Variants in AMBRA1 observed in about 807,000 individuals in gnomAD.
AMBRA1 encodes autophagy and beclin 1 regulator 1.
Under a neutral mutation model 125.4 loss-of-function variants are expected in AMBRA1, and 47 were observed. The ratio of observed to expected loss-of-function variants is 0.37; its 90% CI spans 0.30 to 0.48. The LOEUF (loss-of-function observed/expected upper bound fraction) is 0.48, where lower values mean the gene tolerates loss of function less well. Ranked by LOEUF, AMBRA1 falls within the 20% of genes least tolerant of loss-of-function variation. AMBRA1 has a pLI of 0.99. For synonymous variants in AMBRA1, 626 were observed against 655.5 expected, an observed-to-expected ratio of 0.95 and a Z score of 0.69; for missense variants, 1,331 against 1,693.4, an observed-to-expected ratio of 0.79 and a Z score of 3.76.
chr11:46,542,730 G>A lies in AMBRA1; in HGVS notation c.1287C>T (p.Arg429=), dbSNP rs1952807054. ...WTRTVLSLNS[R]SEAESMPPPR... ...GCGGGGGCATGGATTCCGCCTCAGA[G>A]CGGGAGTTCAGACTGAGTACTGTCC... The change falls in exon 7 of 18, where the codon CGC becomes CGT. Residue 429 remains arginine, a synonymous_variant. Transcript: ENST00000683756. This position sits in a 1 kb window ranked among gnomAD's most constrained non-coding sequence, Gnocchi z 5.9. 6.2e-7 allele frequency: 1 copy of A among 1,614,138 alleles called. No individual in the cohort carries two copies. The highest frequency in any genetic ancestry group is 1.1e-5 in the South Asian group (1 of 91,076).
intron 16 of AMBRA1, among the ~76,000 whole-genome samples, chr11:46,408,943 A>G (rs557678134): frequency 1.3e-5 from 2 of 152,332 alleles, no homozygotes; most frequent in African/African-American, 4.8e-5. Context: ...CAATCTTGCA[A>G]CCCTGGCTCA....
At chr11:46,545,549 GTTCTCTA>G in intron 5 of AMBRA1, 48 bp downstream of exon 5, 1 of 1,569,956 alleles carries the variant, frequency 6.4e-7, no homozygotes, top group South Asian at 1.2e-5. Context: ...CCAGTAGAAT[GTTCTCTA>G]TCACGTCAGT....
chr11:46,591,162 C>T (rs1175112849), intron 1 of AMBRA1: 1 of 152,184 alleles, frequency 6.6e-6, no homozygotes, highest in African/African-American at 2.4e-5. Flanking sequence ...CATTAGGAGC[C>T]AATGAGATAG....
At chr11:46,573,758 T>C (rs1369103066) in intron 1 of AMBRA1, among the ~76,000 whole-genome samples, 1 of 150,842 alleles carries the variant, frequency 6.6e-6, no homozygotes, top group Non-Finnish European at 1.5e-5. Context: ...GCTGGTGCGC[T>C]GCACCCACTA....
intron 1 of AMBRA1, among the ~76,000 whole-genome samples, chr11:46,557,202 G>A (rs1358985113): frequency 6.6e-6 from 1 of 150,942 alleles, no homozygotes; most frequent in South Asian, 2.1e-4. Flanking sequence ...TCAGGAGGCT[G>A]AGGCAGGAGA....
Position 46,485,185 on chromosome 11 carries a change from G to A in AMBRA1, c.2521+8423C>T, listed in dbSNP as rs573455805. 2.2e-3 allele frequency among the ~76,000 whole-genome samples: 333 copies of A among 152,282 alleles called. 3 individuals are homozygous for A. The highest frequency in any genetic ancestry group is 0.01 in the Middle Eastern group (3 of 294). On this transcript the variant is annotated intron_variant, in intron 11 of 17. Transcript: ENST00000683756. ...ACTCCTGACCTCAGGTGATCCGCCC[G>A]CCTTGGCCTCCCAACATGCTGGGAT...
intron 11 of AMBRA1, among the ~76,000 whole-genome samples, chr11:46,463,709 G>A (rs1439032765): frequency 6.6e-6 from 1 of 152,146 alleles, no homozygotes; most frequent in East Asian, 1.9e-4. Context: ...GCAACTCCAG[G>A]AAAGCACCCA....
chr11:46,514,601 G>A (rs774716279), intron 7 of AMBRA1, among the ~76,000 whole-genome samples: 9 of 152,220 alleles, frequency 5.9e-5, no homozygotes, highest in South Asian at 4.1e-4. Flanking sequence ...CTGAGGTTGG[G>A]GTGTATTTTA....
At chr11:46,581,011 C>T (rs904456290) in intron 1 of AMBRA1, among the ~76,000 whole-genome samples, 2 of 152,026 alleles carry the variant, frequency 1.3e-5, no homozygotes, top group African/African-American at 2.4e-5. Flanking sequence ...CCATGCTGGT[C>T]TCAAACTCCT....
intron 11 of AMBRA1, among the ~76,000 whole-genome samples, chr11:46,452,163 T>C (rs1402982919): frequency 6.6e-6 from 1 of 152,122 alleles, no homozygotes; most frequent in African/African-American, 2.4e-5. Context: ...TAAATGTCTA[T>C]CAATTTGTGA....
At chr11:46,536,258 C>T (rs760389679) in intron 7 of AMBRA1, among the ~76,000 whole-genome samples, 3 of 152,126 alleles carry the variant, frequency 2.0e-5, no homozygotes, top group African/African-American at 7.2e-5. Flanking sequence ...TATATACAGA[C>T]ATGATCACTG....
At chr11:46,435,956 T>G (rs189042705) in intron 12 of AMBRA1, among the ~76,000 whole-genome samples, 2 of 152,228 alleles carry the variant, frequency 1.3e-5, no homozygotes, top group Non-Finnish European at 2.9e-5. Flanking sequence ...TTACCCTTGA[T>G]GTGAGCATAG....
chr11:46,590,782 A>G (rs73449983), intron 1 of AMBRA1, among the ~76,000 whole-genome samples: 31,732 of 151,974 alleles, frequency 0.21, 3,983 homozygotes, highest in African/African-American at 0.35. Context: ...ATGGTGGCAC[A>G]CGCCTGTAAT....
At position 46,408,701 on chromosome 11, in the gene AMBRA1, C is replaced by T. The variant is rs532892264; in HGVS notation, c.3215G>A (p.Ser1072Asn). The change falls in exon 17 of 18, where the codon AGC (serine) becomes AAC (asparagine). Residue 1072 changes from serine (S) to asparagine (N), a missense_variant. Coordinates refer to ENST00000683756, the MANE Select transcript of AMBRA1 (RefSeq NM_001387011.1). ...NSRSSERPGTSRATWRTDRDM... is the reference protein window; with the variant it reads ...NSRSSERPGTNRATWRTDRDM... The stretch of plus-strand genomic sequence containing the variant: ...TCTGTCTGTCCTCCATGTGGCTCTG[C>T]TGGTTCTAGGGAGAGAAAGGCAGAC... 1.9e-6 allele frequency: 3 copies of T among 1,546,226 alleles called. No homozygotes were observed. Among genetic ancestry groups the T allele is most frequent in the South Asian group, 2.4e-5 (2 of 82,080 alleles).
chr11:46,409,179 A>G (rs954716510), intron 16 of AMBRA1, among the ~76,000 whole-genome samples: 102 of 151,440 alleles, frequency 6.7e-4, no homozygotes, highest in African/African-American at 2.3e-3. Context: ...TGAACTGAGA[A>G]CTCCACTTTG....
chr11:46,477,655 T>C (rs1482004321), intron 11 of AMBRA1, among the ~76,000 whole-genome samples: 2 of 152,150 alleles, frequency 1.3e-5, no homozygotes. Flanking sequence ...CACGTCTTTA[T>C]TGTACATAGG....
intron 11 of AMBRA1, among the ~76,000 whole-genome samples, chr11:46,467,508 T>C (rs956919107): frequency 2.0e-5 from 3 of 152,112 alleles, no homozygotes; most frequent in Non-Finnish European, 2.9e-5. Context: ...ACAATGAATA[T>C]ATACTTTTGT....
chr11:46,485,319 G>C (rs1191376446), intron 11 of AMBRA1, among the ~76,000 whole-genome samples: 1 of 152,166 alleles, frequency 6.6e-6, no homozygotes, highest in African/African-American at 2.4e-5. Flanking sequence ...TGTCCTTCCA[G>C]TGCCCCACTT....
At position 46,468,248 on chromosome 11, in the gene AMBRA1, G is replaced by C. The variant is rs548085714; in HGVS notation, c.2522-24650C>G. Among the ~76,000 whole-genome samples, 4 of 152,260 alleles carry C rather than the reference G, an allele frequency of 2.6e-5. No homozygotes were observed. The East Asian group carries it at 7.7e-4, about 29-fold the overall frequency. On this transcript the variant is annotated intron_variant, in intron 11 of 17. Transcript: ENST00000683756. ...TCACTAATACAAAAAAAAGTGGGGA[G>C]GGGTGGCGGGCAGCATGGTGGCTCA...
Sources: gnomAD v4.1 joint callset for allele counts (sites outside exome capture counted in the v4.1 genomes callset) on GRCh38, gnomAD v4.1.1 for gene constraint, Gnocchi (gnomAD v3.1) non-coding constraint, MANE v1.5 for transcripts, NCBI Gene and HGNC (gene_info 2026-07-23, HGNC 2026-07-21) for gene names.